The following PRLR variants were observed in gnomAD, a reference collection of about 807,000 sequenced individuals.
The protein encoded by PRLR is hPRL receptor.
Under a neutral mutation model 40.2 loss-of-function variants are expected in PRLR, and 13 were observed. The ratio of observed to expected loss-of-function variants is 0.32; its 90% CI spans 0.21 to 0.51. The LOEUF (loss-of-function observed/expected upper bound fraction) is 0.51. PRLR is among the 20% of genes least tolerant of loss of function. The pLI is 0.97. For synonymous variants in PRLR, 269 were observed against 278.7 expected (o/e 0.97, Z 0.35); for missense variants, 656 against 747.3 (o/e 0.88, Z 1.42).
At chr5:35,049,519 A>T in intron 8 of PRLR, 3 of 615,974 alleles carry the variant, frequency 4.9e-6, no homozygotes, top group Non-Finnish European at 8.6e-6. Flanking sequence ...ACCATAACAT[A>T]ATATGTACTT....
chr5:35,215,300 A>G (rs1192008827), intron 1 of PRLR, among the ~76,000 whole-genome samples: 1 of 152,222 alleles, frequency 6.6e-6, no homozygotes, highest in African/African-American at 2.4e-5. Flanking sequence ...CTGAGTGGTC[A>G]AGGATGTTTT....
chr5:35,094,214 ACTTCTAACAGTACAG>A (rs1771392891), intron 2 of PRLR, among the ~76,000 whole-genome samples: 1 of 152,160 alleles, frequency 6.6e-6, no homozygotes. Context: ...CATTCTTCCC[ACTTCTAACAGTACAG>A]ATTAATTTTA....
chr5:35,084,837 G>C (rs1057220789), intron 4 of PRLR, among the ~76,000 whole-genome samples, 198 bp from the exon 5 acceptor site: 1 of 152,152 alleles, frequency 6.6e-6, no homozygotes, highest in African/African-American at 2.4e-5. Context: ...TGTTGGAAAG[G>C]TTATTTTAGG....
intron 2 of PRLR, among the ~76,000 whole-genome samples, chr5:35,102,466 ATCCCG>A (rs1202460322): frequency 7.4e-5 from 10 of 135,232 alleles, no homozygotes; most frequent in East Asian, 6.3e-4. Context: ...TTCCTGTCCC[ATCCCG>A]TCCCGTCCCG....
At chr5:35,101,590 A>T (rs1172892401) in intron 2 of PRLR, among the ~76,000 whole-genome samples, 1 of 152,074 alleles carries the variant, frequency 6.6e-6, no homozygotes, top group African/African-American at 2.4e-5. Context: ...TTCTCAGCCC[A>T]TTCTTCCTTT....
rs379899 is a variant in PRLR at position 35,059,075 on chromosome 5, G to T, written c.*6014C>A. 5 of 151,994 alleles carry T rather than the reference G, an allele frequency of 3.3e-5. No homozygotes were observed. Among genetic ancestry groups the T allele is most frequent in the Middle Eastern group, 6.8e-3 (2 of 294 alleles). 9.4% of individuals were successfully genotyped at this position (151,994 alleles called of 1,614,324 possible). The stretch of plus-strand genomic sequence containing the variant: ...AGATTTTTCCCCCAGGATTTGTGAA[G>T]TGTGCACAAAAAAACTCAGACTACA... On this transcript the variant is annotated 3_prime_UTR_variant, in exon 10 of 10. Transcript: ENST00000618457.
At chr5:35,149,901 C>T (rs889934990) in intron 1 of PRLR, among the ~76,000 whole-genome samples, 1 of 151,962 alleles carries the variant, frequency 6.6e-6, no homozygotes, top group Admixed American at 6.5e-5. Context: ...TCTTGTTGCC[C>T]AGGCTGGAGT....
intron 9 of PRLR, among the ~76,000 whole-genome samples, chr5:35,066,826 T>G (rs985684528): frequency 2.8e-4 from 41 of 145,998 alleles, no homozygotes; most frequent in African/African-American, 9.8e-4. Context: ...TGCAGTGGCA[T>G]GATCTCGGAT....
intron 2 of PRLR, among the ~76,000 whole-genome samples, chr5:35,099,221 A>G (rs1432042910): frequency 1.3e-5 from 2 of 152,188 alleles, no homozygotes; most frequent in Non-Finnish European, 2.9e-5. Context: ...GGGTAGAAAT[A>G]ACACACAGTA....
At chr5:35,140,324 T>C (rs2914110) in intron 1 of PRLR, among the ~76,000 whole-genome samples, 31,696 of 152,202 alleles carry the variant, frequency 0.21, 5,976 homozygotes, top group African/African-American at 0.5. Flanking sequence ...TTTTCTAGTC[T>C]GTAATAATCC....
At position 35,190,383 on chromosome 5, in the gene PRLR, T is replaced by A. The variant is rs1451530335; in HGVS notation, c.-106+39885A>T. On this transcript the variant is annotated intron_variant, in intron 1 of 9. Coordinates refer to ENST00000618457, the MANE Select transcript of PRLR (RefSeq NM_000949.7). Reference sequence around the variant, plus strand: ...ACTTCGGAAGGCTGATGCGAGTGGATCGCTTGAGGTCAGGAGTTCAAGACC... The same window carrying A: ...ACTTCGGAAGGCTGATGCGAGTGGAACGCTTGAGGTCAGGAGTTCAAGACC... Among the ~76,000 whole-genome samples, 4 of 152,114 alleles carry A rather than the reference T, an allele frequency of 2.6e-5. No homozygotes were observed. In the South Asian group the frequency reaches 8.3e-4, roughly 32 times the overall value.
chr5:35,058,325 AC>A lies in PRLR; in HGVS notation c.*6763del, dbSNP rs1768835698. The A allele has an allele frequency of 6.6e-6, 1 of 152,216 alleles. No homozygotes were observed. Among genetic ancestry groups the A allele is most frequent in the South Asian group, 2.1e-4 (1 of 4,834 alleles). The allele number at this position is 152,216 out of a possible 1,614,324, so 9.4% of individuals were successfully genotyped here. ...ATATGGCTTTACAGAAGACACAGTC[AC>A]CCAACAGGCTGGTTCTAGATTGCTT... On this transcript the variant is annotated 3_prime_UTR_variant, in exon 10 of 10. Coordinates refer to ENST00000618457, the MANE Select transcript of PRLR (RefSeq NM_000949.7).
At chr5:35,119,386 T>TCTCA (rs1266833683) in intron 1 of PRLR, among the ~76,000 whole-genome samples, 52 of 145,742 alleles carry the variant, frequency 3.6e-4, no homozygotes, top group Middle Eastern at 3.5e-3. Context: ...TCTCTCTCTC[T>TCTCA]CACACACACA....
At chr5:35,151,794 C>T (rs757203361) in intron 1 of PRLR, among the ~76,000 whole-genome samples, 2 of 152,188 alleles carry the variant, frequency 1.3e-5, no homozygotes, top group Admixed American at 1.3e-4. Context: ...AGTTTCCAAG[C>T]CATTTGAGTG....
At chr5:35,168,054 T>A (rs1383556445) in intron 1 of PRLR, among the ~76,000 whole-genome samples, 1 of 151,656 alleles carries the variant, frequency 6.6e-6, no homozygotes, top group Non-Finnish European at 1.5e-5. Flanking sequence ...CTGAAGAAAG[T>A]TGGTAGAGTT....
intron 3 of PRLR, among the ~76,000 whole-genome samples, chr5:35,087,229 C>A (rs780978624): frequency 2.0e-5 from 3 of 152,010 alleles, no homozygotes; most frequent in Non-Finnish European, 2.9e-5. Context: ...TGACCTCGTG[C>A]TCTGCCCACC....
chr5:35,169,919 C>T (rs1774950349), intron 1 of PRLR, among the ~76,000 whole-genome samples: 1 of 152,202 alleles, frequency 6.6e-6, no homozygotes, highest in Non-Finnish European at 1.5e-5. Context: ...TCATCTACAG[C>T]ATGAGTTTCC....
rs1454474547 is a variant in PRLR, at chr5:35,060,847, T to C, written c.*4242A>G. ...ATGTGCATGCATTGTTCTCTTCAGG[T>C]TTAGGCATGTAAGCCAATGACATTC... is the stretch of plus-strand genomic sequence containing the variant. On this transcript the variant is annotated 3_prime_UTR_variant, in exon 10 of 10. Coordinates refer to ENST00000618457, the MANE Select transcript of PRLR (RefSeq NM_000949.7). 2 of 152,218 alleles carry C rather than the reference T, an allele frequency of 1.3e-5. No individual in the cohort carries two copies. Among genetic ancestry groups the C allele is most frequent in the Non-Finnish European group, 2.9e-5 (2 of 68,026 alleles). 9.4% of individuals were successfully genotyped at this position (152,218 alleles called of 1,614,324 possible).
chr5:35,137,552 T>C (rs1773897542), intron 1 of PRLR, among the ~76,000 whole-genome samples: 3 of 152,230 alleles, frequency 2.0e-5, no homozygotes, highest in African/African-American at 7.2e-5. Context: ...TCCCATTGGT[T>C]CATATATTTC....
Sources: allele counts gnomAD v4.1 joint callset (sites outside exome capture counted in the v4.1 genomes callset), GRCh38; gene constraint gnomAD v4.1.1; transcripts MANE v1.5; gene names NCBI Gene and HGNC (gene_info 2026-07-23, HGNC 2026-07-21).